The following PDE1A variants were observed in gnomAD, a reference collection of about 807,000 sequenced individuals.
The protein encoded by PDE1A is dual specificity calcium/calmodulin-dependent 3',5'-cyclic nucleotide phosphodiesterase 1A.
PDE1A carries 35 observed loss-of-function variants against 61.7 expected under a neutral mutation model. That is an observed-to-expected ratio of 0.57 (90% CI 0.43 to 0.75). PDE1A has a LOEUF of 0.75. Ranked by LOEUF, PDE1A falls within the 30% of genes least tolerant of loss-of-function variation. The probability of loss-of-function intolerance (pLI) is 0.00; values close to 1 mark genes in which losing one functional copy is unlikely to be tolerated. For missense variants in PDE1A, 597 were observed against 630.6 expected (o/e 0.95, Z 0.57); for synonymous variants, 232 against 213.2 (o/e 1.09, Z -0.77).
intron 8 of PDE1A, among the ~76,000 whole-genome samples, chr2:182,204,495 C>T (rs912968580): frequency 9.2e-5 from 14 of 152,146 alleles, no homozygotes; most frequent in Admixed American, 2.6e-4. Flanking sequence ...CTTCCATTCT[C>T]CTCCTCAGCC....
At chr2:182,347,748 T>C (rs905208235) in intron 1 of PDE1A, among the ~76,000 whole-genome samples, 2 of 152,058 alleles carry the variant, frequency 1.3e-5, no homozygotes, top group Admixed American at 6.6e-5. Context: ...TGTATATAAA[T>C]AATTATAGTG....
chr2:182,228,715 C>T (rs1224710175), intron 6 of PDE1A, among the ~76,000 whole-genome samples: 1 of 152,030 alleles, frequency 6.6e-6, no homozygotes, highest in African/African-American at 2.4e-5. Context: ...TCCCTTTCTC[C>T]ATCTATGGTA....
chr2:182,230,869 T>C, intron 5 of PDE1A, 146 bp downstream of exon 5: 4 of 601,756 alleles, frequency 6.6e-6, no homozygotes, highest in South Asian at 6.2e-5. Flanking sequence ...GGTTCTATCA[T>C]ATAAAGACCT....
intron 13 of PDE1A, among the ~76,000 whole-genome samples, chr2:182,153,867 G>A (rs560862930): frequency 7.2e-5 from 11 of 152,254 alleles, no homozygotes; most frequent in Admixed American, 6.5e-4. Context: ...TAGGAGGTTT[G>A]GAGGCAGGTA....
At chr2:182,173,038 G>A (rs1033360760) in intron 13 of PDE1A, among the ~76,000 whole-genome samples, 4 of 151,918 alleles carry the variant, frequency 2.6e-5, no homozygotes, top group South Asian at 2.1e-4. Flanking sequence ...ATATAACTAC[G>A]AAGGTTCCCA....
At chr2:182,561,411 C>G in the PDE1A span, among the ~76,000 whole-genome samples, 43,346 of 151,810 alleles carry the variant, frequency 0.29, 6,755 homozygotes, top group East Asian at 0.39. Flanking sequence ...TTCCATTGAT[C>G]TATATCTCTG....
chr2:182,382,982 A>G (rs1211697734), intron 1 of PDE1A, among the ~76,000 whole-genome samples: 1 of 152,216 alleles, frequency 6.6e-6, no homozygotes, highest in East Asian at 1.9e-4. Flanking sequence ...AAATTGACCA[A>G]GATAATCATT....
At chr2:182,562,368 C>T in the PDE1A span, among the ~76,000 whole-genome samples, 104 of 146,668 alleles carry the variant, frequency 7.1e-4, 2 homozygotes, top group South Asian at 6.4e-3. Context: ...TATTGATTTG[C>T]GTATATTGAA....
intron 2 of PDE1A, among the ~76,000 whole-genome samples, chr2:182,484,145 C>T (rs1002243964): frequency 4.6e-5 from 7 of 151,934 alleles, no homozygotes. Flanking sequence ...GCCCAGGTGT[C>T]TTCCCTAGTG....
At chr2:182,332,783 C>T (rs1358058401) in intron 1 of PDE1A, among the ~76,000 whole-genome samples, 1 of 151,966 alleles carries the variant, frequency 6.6e-6, no homozygotes, top group Non-Finnish European at 1.5e-5. Context: ...GTTAGTTGAC[C>T]CCTGCTGGGA....
intron 6 of PDE1A, among the ~76,000 whole-genome samples, chr2:182,226,685 G>A (rs1689168714): frequency 6.7e-6 from 1 of 149,652 alleles, no homozygotes; most frequent in Non-Finnish European, 1.5e-5. Flanking sequence ...CTACAGCACT[G>A]GTCAATACAA....
the PDE1A span, among the ~76,000 whole-genome samples, chr2:182,589,086 TAATA>T: frequency 4.1e-5 from 6 of 146,656 alleles, no homozygotes; most frequent in Non-Finnish European, 6.0e-5. Context: ...ATAATAATAA[TAATA>T]ATTTTAATGA....
At chr2:182,310,295 A>T (rs1253980910) in intron 1 of PDE1A, among the ~76,000 whole-genome samples, 5 of 152,202 alleles carry the variant, frequency 3.3e-5, no homozygotes, top group Admixed American at 3.3e-4. Context: ...ATAACTTATT[A>T]ATATCTTCTC....
At chr2:182,458,691 T>C (rs1686080601) in intron 2 of PDE1A, among the ~76,000 whole-genome samples, 1 of 152,158 alleles carries the variant, frequency 6.6e-6, no homozygotes, top group African/African-American at 2.4e-5. Context: ...ATACTCATTT[T>C]ATTTTATCAC....
intron 2 of PDE1A, among the ~76,000 whole-genome samples, chr2:182,465,946 A>C (rs1686631127): frequency 6.6e-6 from 1 of 152,100 alleles, no homozygotes; most frequent in Non-Finnish European, 1.5e-5. Flanking sequence ...AATATTTGTA[A>C]AAATAAATAA....
the PDE1A span, among the ~76,000 whole-genome samples, chr2:182,614,348 ATAGAGCTATTG>A: frequency 6.6e-6 from 1 of 152,178 alleles, no homozygotes. Flanking sequence ...TAGCTAGCTC[ATAGAGCTATTG>A]TAAGAGTCAG....
intron 13 of PDE1A, among the ~76,000 whole-genome samples, chr2:182,171,196 T>G (rs1692180181): frequency 2.0e-5 from 3 of 152,030 alleles, no homozygotes; most frequent in Admixed American, 2.0e-4. Context: ...TGATATTTTC[T>G]AATTACAAAT....
At chr2:182,560,088 G>A in the PDE1A span, among the ~76,000 whole-genome samples, 45 of 149,990 alleles carry the variant, frequency 3.0e-4, no homozygotes, top group Admixed American at 2.9e-3. Flanking sequence ...TATACTTTAA[G>A]TTTTAGGGTA....
At chr2:182,395,922 G>A (rs552700419) in intron 1 of PDE1A, among the ~76,000 whole-genome samples, 1 of 152,284 alleles carries the variant, frequency 6.6e-6, no homozygotes, top group Non-Finnish European at 1.5e-5. Context: ...GTCACCATGA[G>A]ACCTGAACTT....
Sources: gnomAD v4.1 joint callset for allele counts (sites outside exome capture counted in the v4.1 genomes callset) on GRCh38, gnomAD v4.1.1 for gene constraint, MANE v1.5 for transcripts, NCBI Gene and HGNC (gene_info 2026-07-23, HGNC 2026-07-21) for gene names.